Variants in LARP6 observed in about 807,000 individuals in gnomAD.
The protein encoded by LARP6 is La ribonucleoprotein 6, translational regulator, also known as la-related protein 6.
A neutral mutation model predicts 32.8 loss-of-function variants in LARP6; 18 were observed. The observed-to-expected ratio is 0.55, with a 90% CI of 0.38 to 0.81. LARP6 has a LOEUF of 0.81. Ranked by LOEUF, LARP6 falls within the 40% of genes least tolerant of loss-of-function variation. The pLI, the probability that LARP6 is intolerant of heterozygous loss-of-function variation, is 0.00. For synonymous variants in LARP6, 289 were observed against 267.2 expected (o/e 1.08, Z -0.80); for missense variants, 598 against 663.1 (o/e 0.90, Z 1.08).
At chr15:70,845,808 C>T (rs2141056410) in intron 1 of LARP6, among the ~76,000 whole-genome samples, 1 of 152,346 alleles carries the variant, frequency 6.6e-6, no homozygotes, top group East Asian at 1.9e-4. Context: ...TGGGGCATGC[C>T]AAGTGGCAGG....
At position 70,831,381 on chromosome 15, in the gene LARP6, T is replaced by C. The variant is rs1176627483; in HGVS notation, c.*671A>G. 6.6e-6 allele frequency: 1 copy of C among 152,270 alleles called. No individual in the cohort carries two copies. Among genetic ancestry groups the C allele is most frequent in the African/African-American group, 2.4e-5 (1 of 41,474 alleles). The allele number at this position is 152,270 out of a possible 1,614,324, so 9.4% of individuals were successfully genotyped here. On this transcript the variant is annotated 3_prime_UTR_variant, in exon 3 of 3. Transcript: ENST00000299213. ...TAAACATGTAACAAAGTTTCTCATG[T>C]AGCCCATAAATGTGTACAAATAAAA... is the stretch of plus-strand genomic sequence containing the variant.
At position 70,853,965 on chromosome 15, in the gene LARP6, C is replaced by G. The variant is rs369653791; in HGVS notation, c.124G>C (p.Gly42Arg). 1,149 of 1,457,874 alleles carry G rather than the reference C, an allele frequency of 7.9e-4. No individual in the cohort carries two copies. Among genetic ancestry groups the G allele is most frequent in the Admixed American group, 1.2e-3 (48 of 41,030 alleles). 90.3% of individuals were successfully genotyped at this position (1,457,874 alleles called of 1,614,324 possible). The change falls in exon 1 of 3, where the codon GGC becomes CGC. Residue 42 changes from glycine (G) to arginine (R), a missense_variant. Gly to Arg is a moderately radical substitution (Grantham distance 125, BLOSUM62 -2). Coordinates refer to ENST00000299213, the MANE Select transcript of LARP6 (RefSeq NM_018357.4). The stretch of plus-strand genomic sequence containing the variant: ...AGGTACCGGGCCGGGTCCCCGGCGC[C>G]CCGAGTCTCCGCCCCCTCCTCCTCG... The part of the protein sequence containing the change: ...EDEEEGAETR[G>R]AGDPARYLSP...
At position 70,830,565 on chromosome 15, in the gene LARP6, T is replaced by A. The variant is rs1220694764; in HGVS notation, c.*1487A>T. ...TAGTTTCAAGCCCAACTCTACCAAT[T>A]TAGCTGTTAAGCCTTAGACAAGTTA... On this transcript the variant is annotated 3_prime_UTR_variant, in exon 3 of 3. Transcript: ENST00000299213. 6.6e-6 allele frequency: 1 copy of A among 152,238 alleles called. No homozygotes were observed. The highest frequency in any genetic ancestry group is 2.4e-5 in the African/African-American group (1 of 41,458). 9.4% of individuals were successfully genotyped at this position (152,238 alleles called of 1,614,324 possible). A position where few individuals can be genotyped will look rare whatever the true frequency, so the allele number is the denominator to read the frequency against.
At chr15:70,838,912 C>CACA (rs10634375) in intron 1 of LARP6, among the ~76,000 whole-genome samples, 122 of 102,882 alleles carry the variant, frequency 1.2e-3, no homozygotes, top group East Asian at 2.2e-3. Context: ...CTCAGCCTCA[C>CACA]AAAAAAAAAA....
At chr15:70,852,008 C>A (rs960904119) in intron 1 of LARP6, 2 of 429,434 alleles carry the variant, frequency 4.7e-6, no homozygotes, top group Non-Finnish European at 4.4e-6. Flanking sequence ...ACTGTTGAGG[C>A]AATGGGCTGA....
intron 2 of LARP6, among the ~76,000 whole-genome samples, chr15:70,834,580 C>A (rs918425697): frequency 6.6e-6 from 1 of 152,238 alleles, no homozygotes; most frequent in African/African-American, 2.4e-5. Context: ...GAAAGCACAG[C>A]ACTGCCTTAC....
At chr15:70,837,570 T>C (rs907550279) in intron 1 of LARP6, among the ~76,000 whole-genome samples, 17 of 152,188 alleles carry the variant, frequency 1.1e-4, no homozygotes, top group Admixed American at 5.2e-4. Flanking sequence ...TCATCCATAT[T>C]TATTAAAGAA....
intron 1 of LARP6, chr15:70,852,160 T>C (rs2032481878): frequency 2.6e-6 from 1 of 385,650 alleles, no homozygotes; most frequent in African/African-American, 2.1e-5. Context: ...GGGGATAGTG[T>C]GGATCCTGTT....
intron 2 of LARP6, among the ~76,000 whole-genome samples, chr15:70,833,886 A>G (rs2032100566): frequency 6.6e-6 from 1 of 152,218 alleles, no homozygotes; most frequent in Non-Finnish European, 1.5e-5. Context: ...GAATGGTGAA[A>G]TAATCCCTCC....
chr15:70,832,039 A>G lies in LARP6; in HGVS notation c.*13T>C, dbSNP rs1208974821. The stretch of plus-strand genomic sequence containing the variant: ...TGGTTTTCAGTGGAGCTTGTATTAA[A>G]AATAGAAGGTATTTATACACAGGCC... On this transcript the variant is annotated 3_prime_UTR_variant, in exon 3 of 3. Transcript: ENST00000299213. The G allele has an allele frequency of 6.9e-7, 1 of 1,459,666 alleles. No homozygotes were observed. The highest frequency in any genetic ancestry group is 2.4e-5 in the East Asian group (1 of 41,460). The allele number at this position is 1,459,666 out of a possible 1,614,324, so 90.4% of individuals were successfully genotyped here. A position where few individuals can be genotyped will look rare whatever the true frequency, so the allele number is the denominator to read the frequency against.
At chr15:70,845,544 T>C (rs935315358) in intron 1 of LARP6, among the ~76,000 whole-genome samples, 5 of 152,204 alleles carry the variant, frequency 3.3e-5, no homozygotes, top group African/African-American at 1.2e-4. Context: ...CTAACCTTGA[T>C]CACCTATCTG....
chr15:70,839,734 C>G (rs1951698663), intron 1 of LARP6, among the ~76,000 whole-genome samples: 1 of 152,140 alleles, frequency 6.6e-6, no homozygotes, highest in African/African-American at 2.4e-5. Flanking sequence ...AGGCGCCCAC[C>G]ACCACGCCCG....
chr15:70,840,943 T>C, intron 1 of LARP6, among the ~76,000 whole-genome samples: 1 of 149,362 alleles, frequency 6.7e-6, no homozygotes, highest in Non-Finnish European at 1.5e-5. Context: ...AGACAGAGTC[T>C]CGCTCTTTCG....
intron 1 of LARP6, among the ~76,000 whole-genome samples, chr15:70,852,545 G>A (rs1006273384): frequency 6.6e-6 from 1 of 152,084 alleles, no homozygotes; most frequent in African/African-American, 2.4e-5. Context: ...AAACCACTTG[G>A]GGCTATTTTA....
Position 70,832,865 on chromosome 15 carries a change from A to G in LARP6, c.663T>C (p.Phe221=), listed in dbSNP as rs1549317. 0.58 allele frequency: 935,819 copies of G among 1,609,936 alleles called. 275,733 individuals are homozygous for G. The highest frequency in any genetic ancestry group is 0.78 in the Admixed American group (46,307 of 59,330). ...CTGATGAGATGACTCCAAAAGTCCC[A>G]AAAAGCTTGAGCAGGTGTTCCATCA... ...EKVMEHLLKL[F]GTFGVISSVR... is the part of the protein sequence containing the mutation. Residue 221 remains phenylalanine, a synonymous_variant, in exon 3 of 3, where the codon TTT becomes TTC. Transcript: ENST00000299213.
chr15:70,838,735 G>A (rs903095625), intron 1 of LARP6, among the ~76,000 whole-genome samples: 3 of 152,050 alleles, frequency 2.0e-5, no homozygotes, highest in Admixed American at 6.6e-5. Context: ...GCATCATAAC[G>A]GATGCCATTA....
chr15:70,848,810 A>G (rs913200781), intron 1 of LARP6: 1 of 152,184 alleles, frequency 6.6e-6, no homozygotes, highest in African/African-American at 2.4e-5. Flanking sequence ...CAAAAACATC[A>G]TGGAAAAAAA....
At chr15:70,849,869 A>AT (rs1252548738) in intron 1 of LARP6, 9 of 152,280 alleles carry the variant, frequency 5.9e-5, no homozygotes, top group South Asian at 2.1e-4. Flanking sequence ...ATAATTAAGC[A>AT]TTTTTTTGCC....
At chr15:70,853,289 G>A (rs2032533768) in intron 1 of LARP6, 1 of 148,032 alleles carries the variant, frequency 6.8e-6, no homozygotes, top group Admixed American at 7.0e-5. Flanking sequence ...GTGTGAAAAT[G>A]GGAATCCCCC....
Sources: gnomAD v4.1 joint callset for allele counts (sites outside exome capture counted in the v4.1 genomes callset) on GRCh38, gnomAD v4.1.1 for gene constraint, MANE v1.5 for transcripts, NCBI Gene and HGNC (gene_info 2026-07-23, HGNC 2026-07-21) for gene names.